The following PIK3C2A variants were observed in gnomAD, a reference collection of about 807,000 sequenced individuals.
PIK3C2A encodes the protein phosphatidylinositol-4-phosphate 3-kinase catalytic subunit type 2 alpha.
In PIK3C2A, 97 loss-of-function variants were observed where a neutral mutation model predicts 204.5. That is an observed-to-expected ratio of 0.47 (90% confidence interval 0.40 to 0.56). The LOEUF (loss-of-function observed/expected upper bound fraction) is 0.56. Among genes scored for constraint, PIK3C2A ranks in the 20% least tolerant of loss-of-function variants. The pLI is 0.00. For synonymous variants in PIK3C2A, 653 were observed against 664.4 expected (o/e 0.98, Z 0.26); for missense variants, 1,735 against 1,969.2 (o/e 0.88, Z 2.25).
intron 22 of PIK3C2A, among the ~76,000 whole-genome samples, chr11:17,108,758 T>C (rs1178926218): frequency 6.6e-6 from 1 of 152,222 alleles, no homozygotes; most frequent in African/African-American, 2.4e-5. Context: ...GCCCACCCTT[T>C]TGTATTCTAC....
At chr11:17,205,880 G>C (rs549736558) in intron 1 of PIK3C2A, among the ~76,000 whole-genome samples, 1 of 152,318 alleles carries the variant, frequency 6.6e-6, no homozygotes, top group East Asian at 1.9e-4. Context: ...CAGCACTTTG[G>C]GAGGCCAAGA....
intron 15 of PIK3C2A, among the ~76,000 whole-genome samples, chr11:17,120,804 T>C (rs534285313): frequency 6.6e-6 from 1 of 152,264 alleles, no homozygotes; most frequent in South Asian, 2.1e-4. Flanking sequence ...TATAATCTCA[T>C]TTTTATTTAT....
chr11:17,192,655 CA>C (rs1265761101), intron 1 of PIK3C2A, among the ~76,000 whole-genome samples: 1 of 152,160 alleles, frequency 6.6e-6, no homozygotes, highest in Non-Finnish European at 1.5e-5. Flanking sequence ...CCATGTTAGC[CA>C]GGATAGTCTC....
intron 1 of PIK3C2A, among the ~76,000 whole-genome samples, chr11:17,204,776 T>A (rs1852507940): frequency 6.6e-6 from 1 of 152,220 alleles, no homozygotes; most frequent in Admixed American, 6.5e-5. Context: ...TTTAGCCCTA[T>A]GCAGGTACAA....
chr11:17,143,676 C>T (rs961625825), intron 8 of PIK3C2A, among the ~76,000 whole-genome samples: 3 of 151,536 alleles, frequency 2.0e-5, no homozygotes, highest in African/African-American at 4.9e-5. Flanking sequence ...CAGTGGCTCA[C>T]GCCCAATTCC....
chr11:17,173,801 T>G (rs756085927), intron 1 of PIK3C2A, among the ~76,000 whole-genome samples: 3 of 151,838 alleles, frequency 2.0e-5, no homozygotes, highest in Non-Finnish European at 4.4e-5. Flanking sequence ...ACGTGGGGTT[T>G]GTTTGTTTGT....
Position 17,122,732 on chromosome 11 carries a change from T to G in PIK3C2A, c.2481A>C (p.Lys827Asn), listed in dbSNP as rs776487909. 2.0e-6 allele frequency: 3 copies of G among 1,521,464 alleles called. No individual in the cohort carries two copies. The highest frequency in any genetic ancestry group is 1.7e-5 in the Admixed American group (1 of 58,782). The allele number at this position is 1,521,464 out of a possible 1,614,324, so 94.2% of individuals were successfully genotyped here. The change falls in exon 14 of 33, where the codon AAA (lysine) becomes AAC (asparagine). Residue 827 changes from lysine to asparagine, a missense_variant. By Grantham distance (94) the Lys-to-Asn change is moderately conservative. Coordinates refer to ENST00000691414, the MANE Select transcript of PIK3C2A (RefSeq NM_002645.4). ...GCACTATTCTTTCCATGACATATCCTTTTTTGGTAACTGTTCCAGGAACAG... is the reference window on the plus strand; with the variant it reads ...GCACTATTCTTTCCATGACATATCCGTTTTTGGTAACTGTTCCAGGAACAG... ...TNSVPGTVTK[K>N]GYVMERIVLQ...
At chr11:17,139,910 T>TC (rs1253841405) in intron 8 of PIK3C2A, among the ~76,000 whole-genome samples, 5 of 152,200 alleles carry the variant, frequency 3.3e-5, no homozygotes, top group Non-Finnish European at 5.9e-5. Flanking sequence ...TCTTATAGAT[T>TC]CAACAGTCCT....
chr11:17,157,788 T>C (rs922397066), intron 2 of PIK3C2A, among the ~76,000 whole-genome samples: 2 of 152,158 alleles, frequency 1.3e-5, no homozygotes, highest in East Asian at 3.8e-4. Context: ...ATCAATCAAT[T>C]TGTATTACAG....
intron 1 of PIK3C2A, among the ~76,000 whole-genome samples, chr11:17,171,124 T>A (rs1267842239): frequency 6.6e-6 from 1 of 152,086 alleles, no homozygotes; most frequent in African/African-American, 2.4e-5. Flanking sequence ...AAAGAAGGTA[T>A]ATGACCTTGG....
chr11:17,135,655 T>C (rs978511662), intron 9 of PIK3C2A, among the ~76,000 whole-genome samples: 4 of 150,140 alleles, frequency 2.7e-5, no homozygotes, highest in Non-Finnish European at 4.4e-5. Flanking sequence ...TGGTAGTTGA[T>C]CACCTTCAAG....
rs950073016 is a variant in PIK3C2A at position 17,110,331 on chromosome 11, T to G, written c.3544+101A>C. Reference sequence around the variant, plus strand: ...ACACTGGATTAAAATAAGAAACAACTGTGATACCAGGGTATCTGCATCAGG... The same window carrying G: ...ACACTGGATTAAAATAAGAAACAACGGTGATACCAGGGTATCTGCATCAGG... On this transcript the variant is annotated intron_variant, in intron 22 of 32. Coordinates refer to ENST00000691414, the MANE Select transcript of PIK3C2A (RefSeq NM_002645.4). 9 of 770,498 alleles carry G rather than the reference T, an allele frequency of 1.2e-5. No homozygotes were observed. The African/African-American group carries it at 1.4e-4, about 12-fold the overall frequency. The allele number at this position is 770,498 out of a possible 1,614,324, so 47.7% of individuals were successfully genotyped here. A position where few individuals can be genotyped will look rare whatever the true frequency, so the allele number is the denominator to read the frequency against.
At chr11:17,205,007 G>A (rs1024975522) in intron 1 of PIK3C2A, among the ~76,000 whole-genome samples, 18 of 152,020 alleles carry the variant, frequency 1.2e-4, no homozygotes, top group African/African-American at 3.4e-4. Context: ...GTGAAACCCC[G>A]TCTCTACCAA....
chr11:17,135,036 T>G lies in PIK3C2A; in HGVS notation c.1898-7A>C, dbSNP rs746059360. On this transcript the variant is annotated splice_polypyrimidine_tract_variant and splice_region_variant and intron_variant, in intron 10 of 32. Transcript: ENST00000691414. Reference sequence around the variant, plus strand: ...TTTTCAGGATTAAGTGAGCCTAGATTAAAGAAAAAAAAAGTTAATAGATTC... The same window carrying G: ...TTTTCAGGATTAAGTGAGCCTAGATGAAAGAAAAAAAAAGTTAATAGATTC... 6.2e-7 allele frequency: 1 copy of G among 1,612,024 alleles called. No homozygotes were observed. The highest frequency in any genetic ancestry group is 8.5e-7 in the Non-Finnish European group (1 of 1,179,058).
intron 21 of PIK3C2A, 83 bp from the exon 22 acceptor site, chr11:17,110,644 C>G (rs1271476890): frequency 7.6e-7 from 1 of 1,320,532 alleles, no homozygotes; most frequent in African/African-American, 1.5e-5. Flanking sequence ...GTAATCCCAG[C>G]ACTTTGGGAG....
chr11:17,191,626 A>G (rs1315362866), intron 1 of PIK3C2A, among the ~76,000 whole-genome samples: 2 of 152,132 alleles, frequency 1.3e-5, no homozygotes, highest in Non-Finnish European at 2.9e-5. Flanking sequence ...AACTGTAACC[A>G]TGAACATAAT....
intron 6 of PIK3C2A, among the ~76,000 whole-genome samples, chr11:17,147,037 A>C (rs965787099): frequency 3.3e-5 from 5 of 152,180 alleles, no homozygotes; most frequent in African/African-American, 4.8e-5. Context: ...ACCTCAAAAG[A>C]AAGCATTGAA....
chr11:17,122,385 T>G (rs1464747666), intron 14 of PIK3C2A, 52 bp from the exon 15 acceptor site: 1 of 1,121,306 alleles, frequency 8.9e-7, no homozygotes, highest in African/African-American at 1.6e-5. Context: ...ATTTGCCACA[T>G]TAACCTCTTT....
intron 15 of PIK3C2A, among the ~76,000 whole-genome samples, chr11:17,121,141 A>C (rs1381822987): frequency 1.3e-5 from 2 of 151,936 alleles, no homozygotes; most frequent in Admixed American, 1.3e-4. Flanking sequence ...TTTTTGAGAC[A>C]GGGTATTGCT....
Sources: allele counts gnomAD v4.1 joint callset (sites outside exome capture counted in the v4.1 genomes callset), GRCh38; gene constraint gnomAD v4.1.1; transcripts MANE v1.5; gene names NCBI Gene and HGNC (gene_info 2026-07-23, HGNC 2026-07-21).